Variants in DEDD observed in about 807,000 individuals in gnomAD.
DEDD encodes death effector domain-containing protein.
Under a neutral mutation model 29.2 loss-of-function variants are expected in DEDD, and 3 were observed. The observed-to-expected ratio is 0.10, with a 90% CI of 0.05 to 0.27. The LOEUF (loss-of-function observed/expected upper bound fraction) is 0.27, where lower values mean the gene tolerates loss of function less well. Ranked by LOEUF, DEDD falls within the 10% of genes least tolerant of loss-of-function variation. The pLI, the probability that DEDD is intolerant of heterozygous loss-of-function variation, is 1.00. For missense variants in DEDD, 261 were observed against 420.5 expected (o/e 0.62, Z 3.32); for synonymous variants, 152 against 161.3 (o/e 0.94, Z 0.44).
At chr1:161,132,411 C>T (rs1656766588) in intron 1 of DEDD, 140 bp downstream of exon 1, 1 of 155,028 alleles carries the variant, frequency 6.5e-6, no homozygotes, top group Non-Finnish European at 1.5e-5. Context: ...CCCGTCACCT[C>T]CCTCTCTTGA....
intron 4 of DEDD, 35 bp from the exon 5 acceptor site, chr1:161,123,256 G>C (rs368552890): frequency 2.5e-6 from 4 of 1,585,850 alleles, no homozygotes; most frequent in Non-Finnish European, 3.5e-6. Context: ...AAACACAGTA[G>C]GGTAAAGGCA....
Position 161,121,986 on chromosome 1 carries a change from TG to T in DEDD, c.*160del. The T allele has an allele frequency of 1.1e-6, 1 of 875,368 alleles. No homozygotes were observed. The highest frequency in any genetic ancestry group is 1.7e-6 in the Non-Finnish European group (1 of 596,532). The allele number at this position is 875,368 out of a possible 1,614,324, so 54.2% of individuals were successfully genotyped here. A position where few individuals can be genotyped will look rare whatever the true frequency, so the allele number is the denominator to read the frequency against. On this transcript the variant is annotated 3_prime_UTR_variant, in exon 6 of 6. Coordinates refer to ENST00000368006, the MANE Select transcript of DEDD (RefSeq NM_032998.3). The stretch of plus-strand genomic sequence containing the variant: ...CCAGGCACATGGGTGCAGGGAGGGG[TG>T]GGGAATACCACTTCCACTTTCTTTT...
chr1:161,122,912 T>C lies in DEDD; in HGVS notation c.580+163A>G. 3 of 1,328,260 alleles carry C rather than the reference T, an allele frequency of 2.3e-6. No homozygotes were observed. The highest frequency in any genetic ancestry group is 3.2e-6 in the Non-Finnish European group (3 of 927,184). The allele number at this position is 1,328,260 out of a possible 1,614,324, so 82.3% of individuals were successfully genotyped here. On this transcript the variant is annotated intron_variant, in intron 5 of 5. Transcript: ENST00000368006. This position sits in a 1 kb window ranked among gnomAD's most constrained non-coding sequence, Gnocchi z 4.2. ...GTTGAAATGTACCCTGCCACAATCA[T>C]AAAGAGCAGTTCTTCCACCAGACAC...
intron 1 of DEDD, among the ~76,000 whole-genome samples, chr1:161,131,906 C>T (rs1290660876): frequency 6.6e-6 from 1 of 151,990 alleles, no homozygotes; most frequent in African/African-American, 2.4e-5. Context: ...ATTCCACTCC[C>T]CTTCCTCCCA....
In DEDD at chr1:161,122,511, C is replaced by T. The variant is rs1663790532; in HGVS notation, c.593G>A (p.Arg198Gln). ...KEKQTCDIRL[R>Q]VRAEYCQHET... ...ATGCTGGCAGTATTCAGCCCGAACC[C>T]GCAGTCTGATGTCTGTTGGAAACAG... Residue 198 changes from arginine (R) to glutamine (Q), a missense_variant, in exon 6 of 6, where the codon CGG (arginine) becomes CAG (glutamine). Around this residue, in one of 2 missense-constraint regions of DEDD, gnomAD observed 58 missense variants for 151.8 expected, o/e 0.38. Transcript: ENST00000368006. The surrounding 1 kb of genome is among the most constrained non-coding windows in gnomAD (Gnocchi z 4.2). 10 of 1,613,304 alleles carry T rather than the reference C, an allele frequency of 6.2e-6. No homozygotes were observed. Among genetic ancestry groups the T allele is most frequent in the Non-Finnish European group, 8.5e-6 (10 of 1,179,454 alleles).
intron 2 of DEDD, 136 bp from the exon 3 acceptor site, chr1:161,124,662 T>A: frequency 8.3e-7 from 1 of 1,207,200 alleles, no homozygotes; most frequent in Non-Finnish European, 1.1e-6. Context: ...TTGAAGTGTT[T>A]GTTTAAAAAT....
chr1:161,125,923 G>A (rs552892965), intron 2 of DEDD, among the ~76,000 whole-genome samples: 8 of 152,082 alleles, frequency 5.3e-5, no homozygotes, highest in African/African-American at 1.4e-4. Flanking sequence ...TTCCTCCATC[G>A]TTATGGGCTA....
At chr1:161,130,413 C>A (rs148819660) in intron 2 of DEDD, among the ~76,000 whole-genome samples, 2 of 152,092 alleles carry the variant, frequency 1.3e-5, no homozygotes, top group East Asian at 3.9e-4. Flanking sequence ...ATGCCAGGAA[C>A]CCCCCAACAG....
At chr1:161,123,726 CA>C (rs1655828179) in intron 4 of DEDD, 112 bp downstream of exon 4, 1 of 900,384 alleles carries the variant, frequency 1.1e-6, no homozygotes, top group African/African-American at 1.7e-5. Flanking sequence ...TTTTATGGGG[CA>C]AGATGTGGGC....
intron 4 of DEDD, 116 bp downstream of exon 4, chr1:161,123,721 TGG>T: frequency 3.5e-6 from 3 of 849,736 alleles, no homozygotes; most frequent in African/African-American, 1.7e-5. Flanking sequence ...TTTTTTTTTA[TGG>T]GGCAAGATGT....
intron 4 of DEDD, among the ~76,000 whole-genome samples, 176 bp downstream of exon 4, chr1:161,123,663 T>C (rs1571221598): frequency 7.0e-6 from 1 of 142,984 alleles, no homozygotes; most frequent in African/African-American, 2.6e-5. Context: ...AGACAAGACA[T>C]GTGAGAGCAA....
chr1:161,124,219 A>G lies in DEDD; in HGVS notation c.244T>C (p.Phe82Leu), dbSNP rs1172218177. The change falls in exon 3 of 6, where the codon TTT (phenylalanine) becomes CTT (leucine). Residue 82 changes from phenylalanine to leucine, a missense_variant. Around this residue, in one of 2 missense-constraint regions of DEDD, gnomAD observed 203 missense variants for 268.7 expected, o/e 0.76. Transcript: ENST00000368006. ...CGCAGCAGCTGCAGCACCTGGCGAA[A>G]GTTACTTTCATCACAGCGGCCCTGG... The part of the protein sequence containing the change: ...ERQGRCDESN[F>L]RQVLQLLRII... The G allele has an allele frequency of 6.2e-7, 1 of 1,614,230 alleles. No individual in the cohort carries two copies. The highest frequency in any genetic ancestry group is 2.2e-5 in the East Asian group (1 of 44,894).
At chr1:161,132,430 G>A (rs1656768430) in intron 1 of DEDD, 121 bp downstream of exon 1, 1 of 151,126 alleles carries the variant, frequency 6.6e-6, no homozygotes, top group South Asian at 2.1e-4. Context: ...GAGGTTCTCA[G>A]GCTGGACGTC....
chr1:161,124,439 TGCCCGCCGCTTTAG>T lies in DEDD; in HGVS notation c.10_23del (p.Leu4LysfsTer10). Reference sequence around the variant, plus strand: ...CATGCTCTTCTGGCCACACCTGGCTTGCCCGCCGCTTTAGGCCCGCCATGCTGGGGGCTCAGGTA... The same window carrying T: ...CATGCTCTTCTGGCCACACCTGGCTTGCCCGCCATGCTGGGGGCTCAGGTA... On this transcript the variant is annotated frameshift_variant, in exon 3 of 6. Coordinates refer to ENST00000368006, the MANE Select transcript of DEDD (RefSeq NM_032998.3). LOFTEE classifies it high-confidence loss of function. 1 of 1,604,354 alleles carries T rather than the reference TGCCCGCCGCTTTAG, an allele frequency of 6.2e-7. No individual in the cohort carries two copies. The highest frequency in any genetic ancestry group is 8.5e-7 in the Non-Finnish European group (1 of 1,172,210).
At chr1:161,129,333 A>G (rs1163105494) in intron 2 of DEDD, among the ~76,000 whole-genome samples, 1 of 152,114 alleles carries the variant, frequency 6.6e-6, no homozygotes, top group African/African-American at 2.4e-5. Flanking sequence ...GGTGGCTCAC[A>G]CTTGTAATCT....
Position 161,127,499 on chromosome 1 carries a change from G to A in DEDD, c.-64-2973C>T, listed in dbSNP as rs189850255. On this transcript the variant is annotated intron_variant, in intron 2 of 5. Transcript: ENST00000368006. ...CCTCAGATGAAAAACTAAAATGAAA[G>A]CACAGAGAAACTCATTCCCTTAAGA... 1.1e-4 allele frequency among the ~76,000 whole-genome samples: 17 copies of A among 152,308 alleles called. No individual in the cohort carries two copies. In the East Asian group the frequency reaches 3.3e-3, roughly 29 times the overall value.
chr1:161,122,218 C>T lies in DEDD; in HGVS notation c.886G>A (p.Val296Ile). The change falls in exon 6 of 6, where the codon GTA (valine) becomes ATA (isoleucine). Residue 296 changes from valine (V) to isoleucine (I), a missense_variant. Val to Ile is a conservative substitution (Grantham distance 29). Coordinates refer to ENST00000368006, the MANE Select transcript of DEDD (RefSeq NM_032998.3). This position sits in a 1 kb window ranked among gnomAD's most constrained non-coding sequence, Gnocchi z 4.2. ...GHEAIKLLVN[V>I]DEEDYELGRQ... ...CCCAGCTCATAGTCCTCCTCGTCTA[C>T]ATTTACCAGCAGCTTGATGGCTTCA... is the stretch of plus-strand genomic sequence containing the variant. 2 of 1,614,176 alleles carry T rather than the reference C, an allele frequency of 1.2e-6. No individual in the cohort carries two copies. The highest frequency in any genetic ancestry group is 1.7e-6 in the Non-Finnish European group (2 of 1,180,036).
At chr1:161,131,839 G>A (rs1052262788) in intron 1 of DEDD, among the ~76,000 whole-genome samples, 1 of 151,674 alleles carries the variant, frequency 6.6e-6, no homozygotes, top group African/African-American at 2.4e-5. Flanking sequence ...CTCTCCACCG[G>A]GGAAAGGGAA....
chr1:161,121,209 C>T lies in DEDD; in HGVS notation c.*938G>A, dbSNP rs1271103919. ...TGCAACACTCAGTGCATGTCCCAGCCCCATTCTCCCAAGCATGGGAGTGGG... is the reference window on the plus strand; with the variant it reads ...TGCAACACTCAGTGCATGTCCCAGCTCCATTCTCCCAAGCATGGGAGTGGG... On this transcript the variant is annotated 3_prime_UTR_variant, in exon 6 of 6. Coordinates refer to ENST00000368006, the MANE Select transcript of DEDD (RefSeq NM_032998.3). 1.0e-6 allele frequency: 1 copy of T among 1,002,922 alleles called. No homozygotes were observed. The highest frequency in any genetic ancestry group is 1.2e-6 in the Non-Finnish European group (1 of 839,302). 62.1% of individuals were successfully genotyped at this position (1,002,922 alleles called of 1,614,324 possible). A position where few individuals can be genotyped will look rare whatever the true frequency, so the allele number is the denominator to read the frequency against.
Sources: gnomAD v4.1 joint callset for allele counts (sites outside exome capture counted in the v4.1 genomes callset) on GRCh38, gnomAD v4.1.1 for gene constraint, gnomAD v4.1.1 regional missense constraint, Gnocchi (gnomAD v3.1) non-coding constraint, MANE v1.5 for transcripts, NCBI Gene and HGNC (gene_info 2026-07-23, HGNC 2026-07-21) for gene names.